The following FECH variants were observed in gnomAD, a reference collection of about 807,000 sequenced individuals.
FECH encodes the protein ferrochelatase.
Under a neutral mutation model 56.9 loss-of-function variants are expected in FECH, and 40 were observed. That is an observed-to-expected ratio of 0.70 (90% CI 0.55 to 0.92). The LOEUF (loss-of-function observed/expected upper bound fraction) is 0.92. Among genes scored for constraint, FECH ranks in the 40% least tolerant of loss-of-function variants. The pLI is 0.00. For missense variants in FECH, 431 were observed against 529.1 expected, an observed-to-expected ratio of 0.81 and a Z score of 1.82; for synonymous variants, 175 against 198.6, an observed-to-expected ratio of 0.88 and a Z score of 1.00.
At chr18:57,550,956 C>T (rs1200653163) in intron 10 of FECH, 110 bp from the exon 11 acceptor site, 10 of 1,443,440 alleles carry the variant, frequency 6.9e-6, no homozygotes, top group Non-Finnish European at 7.7e-6. Context: ...GGTTTCTTTT[C>T]ATCCGAGTGG....
At chr18:57,551,776 G>A (rs549759343) in intron 9 of FECH, among the ~76,000 whole-genome samples, 1 of 152,128 alleles carries the variant, frequency 6.6e-6, no homozygotes, top group East Asian at 1.9e-4. Context: ...TTTCATACTT[G>A]TTTTGATCCC....
rs190931768 is a variant in FECH, at chr18:57,583,682, C to T, written c.67+2872G>A. On this transcript the variant is annotated intron_variant, in intron 1 of 10. Coordinates refer to ENST00000262093, the MANE Select transcript of FECH (RefSeq NM_000140.5). ...ACCTTTAGAAGGCCTACAAACAGGC[C>T]GGGCATGGGGGCTCACGCCTGTAAT... 5.9e-5 allele frequency among the ~76,000 whole-genome samples: 9 copies of T among 152,276 alleles called. No individual in the cohort carries two copies. The East Asian group carries it at 1.5e-3, about 26-fold the overall frequency.
chr18:57,570,013 T>C (rs1295142486), intron 4 of FECH, among the ~76,000 whole-genome samples: 2 of 116,724 alleles, frequency 1.7e-5, no homozygotes, highest in Non-Finnish European at 3.8e-5. Context: ...GTTGTTGCTG[T>C]TGTTGTTGTT....
chr18:57,563,051 G>A (rs2050966699), intron 5 of FECH, 71 bp from the exon 6 acceptor site: 2 of 1,241,650 alleles, frequency 1.6e-6, no homozygotes, highest in Non-Finnish European at 2.3e-6. Flanking sequence ...ACTCGTAAAG[G>A]TAGTATATAT....
At chr18:57,585,336 T>C (rs1277433182) in intron 1 of FECH, among the ~76,000 whole-genome samples, 2 of 152,248 alleles carry the variant, frequency 1.3e-5, no homozygotes, top group East Asian at 3.8e-4. Context: ...CTACTTCTGC[T>C]AGCGTTTCTG....
Position 57,580,083 on chromosome 18 carries a change from G to T in FECH, c.184C>A (p.Pro62Thr), listed in dbSNP as rs1280543013. Residue 62 changes from proline (P) to threonine (T), a missense_variant, in exon 2 of 11, where the codon CCG becomes ACG. Pro to Thr is a conservative substitution (Grantham distance 38). Transcript: ENST00000262093. Reference protein sequence around the residue: ...HAQGAKPQVQPQKRKPKTGIL... With the variant: ...HAQGAKPQVQTQKRKPKTGIL... Reference sequence around the variant, plus strand: ...ATGTTAGACTCATACCTCTTCTGCGGTTGAACTTGAGGTTTTGCACCCTGG... The same window carrying T: ...ATGTTAGACTCATACCTCTTCTGCGTTTGAACTTGAGGTTTTGCACCCTGG... 8 of 1,614,072 alleles carry T rather than the reference G, an allele frequency of 5.0e-6. No individual in the cohort carries two copies. The highest frequency in any genetic ancestry group is 6.8e-6 in the Non-Finnish European group (8 of 1,180,048).
intron 1 of FECH, among the ~76,000 whole-genome samples, chr18:57,585,434 A>G (rs141612481): frequency 6.6e-6 from 1 of 152,316 alleles, no homozygotes; most frequent in African/African-American, 2.4e-5. Context: ...GTCAGACTTT[A>G]TTTGCCACAG....
chr18:57,573,129 T>C (rs2122328970), intron 3 of FECH, 117 bp downstream of exon 3: 1 of 1,032,374 alleles, frequency 9.7e-7, no homozygotes, highest in Non-Finnish European at 1.5e-6. Flanking sequence ...ACAATGCTGC[T>C]GTTTAACCAT....
At position 57,544,813 on chromosome 18, in the gene FECH, A is replaced by C. The variant is rs78724513; in HGVS notation, c.*5899T>G. Among the ~76,000 whole-genome samples, 2 of 152,364 alleles carry C rather than the reference A, an allele frequency of 1.3e-5. No homozygotes were observed. The highest frequency in any genetic ancestry group is 3.9e-4 in the East Asian group (2 of 5,194). On this transcript the variant is annotated 3_prime_UTR_variant, in exon 11 of 11. Coordinates refer to ENST00000262093, the MANE Select transcript of FECH (RefSeq NM_000140.5). ...CTTAAGTCTAAATAATCAACGACAA[A>C]AAAAAGGGCGAAATAATTAGAAAGT...
intron 5 of FECH, among the ~76,000 whole-genome samples, chr18:57,563,656 T>C (rs1324120142): frequency 6.9e-6 from 1 of 145,268 alleles, no homozygotes; most frequent in African/African-American, 2.6e-5. Context: ...TTATAGGAAA[T>C]GTATGCGATG....
At position 57,547,387 on chromosome 18, in the gene FECH, G is replaced by A. The variant is rs567438587; in HGVS notation, c.*3325C>T. Among the ~76,000 whole-genome samples the A allele has an allele frequency of 6.6e-6, 1 of 152,078 alleles. No individual in the cohort carries two copies. Among genetic ancestry groups the A allele is most frequent in the Non-Finnish European group, 1.5e-5 (1 of 68,012 alleles). On this transcript the variant is annotated 3_prime_UTR_variant, in exon 11 of 11. Transcript: ENST00000262093. ...CATAATCCCCACGTGTTGAGGGAGG[G>A]ACCTGGTGGAAGGAGATTGGAACAT...
intron 2 of FECH, among the ~76,000 whole-genome samples, chr18:57,579,245 C>A (rs76804226): frequency 0.43 from 49,485 of 113,808 alleles, 9,462 homozygotes; most frequent in Non-Finnish European, 0.48. Context: ...GAGACTCTCT[C>A]AAAAAAAAAA....
rs1384819191 is a variant in FECH, at chr18:57,546,583, A to G, written c.*4129T>C. 1.3e-5 allele frequency among the ~76,000 whole-genome samples: 2 copies of G among 152,230 alleles called. No homozygotes were observed. The highest frequency in any genetic ancestry group is 4.8e-5 in the African/African-American group (2 of 41,454). On this transcript the variant is annotated 3_prime_UTR_variant, in exon 11 of 11. Coordinates refer to ENST00000262093, the MANE Select transcript of FECH (RefSeq NM_000140.5). ...GTTTCTTGAATTAAATATGGAATTT[A>G]CTAGAAAGATTAGCCCACCTCTTGC...
rs1479827016 is a variant in FECH at position 57,546,638 on chromosome 18, G to A, written c.*4074C>T. Among the ~76,000 whole-genome samples, 1 of 152,180 alleles carries A rather than the reference G, an allele frequency of 6.6e-6. No homozygotes were observed. The highest frequency in any genetic ancestry group is 2.4e-5 in the African/African-American group (1 of 41,436). ...GCGTGACCTGGAGGTGAGACATGGA[G>A]TCAAAGGAGATTATTCCGGAACTTT... On this transcript the variant is annotated 3_prime_UTR_variant, in exon 11 of 11. Coordinates refer to ENST00000262093, the MANE Select transcript of FECH (RefSeq NM_000140.5).
intron 8 of FECH, 74 bp from the exon 9 acceptor site, chr18:57,554,498 T>G (rs2050843312): frequency 6.6e-7 from 1 of 1,510,160 alleles, no homozygotes; most frequent in Non-Finnish European, 9.2e-7. Context: ...TTTGCCCCCC[T>G]GGGCACACGC....
At chr18:57,575,385 G>A (rs2051170922) in intron 2 of FECH, among the ~76,000 whole-genome samples, 1 of 152,122 alleles carries the variant, frequency 6.6e-6, no homozygotes, top group Non-Finnish European at 1.5e-5. Context: ...GACAGAGCCT[G>A]TATAGAGAAA....
At chr18:57,560,862 A>G (rs2050935442) in intron 6 of FECH, among the ~76,000 whole-genome samples, 1 of 152,198 alleles carries the variant, frequency 6.6e-6, no homozygotes, top group Non-Finnish European at 1.5e-5. Flanking sequence ...CTATGGGATA[A>G]GCAAACTATT....
intron 4 of FECH, 44 bp downstream of exon 4, chr18:57,571,348 C>G (rs189964821): frequency 6.3e-7 from 1 of 1,599,906 alleles, no homozygotes; most frequent in Non-Finnish European, 8.6e-7. Flanking sequence ...ATAACTACTT[C>G]GAAAGAACTA....
chr18:57,570,164 G>T (rs113540188), intron 4 of FECH, among the ~76,000 whole-genome samples: 22,525 of 151,994 alleles, frequency 0.15, 1,797 homozygotes, highest in Non-Finnish European at 0.18. Context: ...AAAGTGCTGG[G>T]ATTACAGGCG....
Sources: gnomAD v4.1 joint callset for allele counts (sites outside exome capture counted in the v4.1 genomes callset) on GRCh38, gnomAD v4.1.1 for gene constraint, MANE v1.5 for transcripts, NCBI Gene and HGNC (gene_info 2026-07-23, HGNC 2026-07-21) for gene names.